KPNA6: variants seen among roughly 807,000 people sequenced by gnomAD.
KPNA6 encodes karyopherin subunit alpha 6.
A neutral mutation model predicts 72.0 loss-of-function variants in KPNA6; 9 were observed. The observed-to-expected ratio is 0.13, with a 90% CI of 0.08 to 0.22. The LOEUF is 0.22. Among genes scored for constraint, KPNA6 ranks in the 10% least tolerant of loss-of-function variants. KPNA6 has a pLI of 1.00. For missense variants in KPNA6, 374 were observed against 655.7 expected, an observed-to-expected ratio of 0.57 and a Z score of 4.69; for synonymous variants, 219 against 242.1, an observed-to-expected ratio of 0.90 and a Z score of 0.89.
At chr1:32,161,477 T>A (rs994358396) in intron 7 of KPNA6, among the ~76,000 whole-genome samples, 1 of 152,196 alleles carries the variant, frequency 6.6e-6, no homozygotes, top group Non-Finnish European at 1.5e-5. Context: ...AATGAACTGT[T>A]CTTCAGAGAC....
At chr1:32,119,648 C>G (rs554595232) in intron 1 of KPNA6, among the ~76,000 whole-genome samples, 1 of 152,240 alleles carries the variant, frequency 6.6e-6, no homozygotes, top group African/African-American at 2.4e-5. Flanking sequence ...CTGCTACGCT[C>G]CAGCCAATTG....
At chr1:32,120,925 G>A (rs1166953946) in intron 1 of KPNA6, among the ~76,000 whole-genome samples, 2 of 150,050 alleles carry the variant, frequency 1.3e-5, no homozygotes, top group African/African-American at 2.5e-5. Context: ...CTGGAGAGCA[G>A]TGGCGCGATC....
chr1:32,156,932 G>A lies in KPNA6; in HGVS notation c.218G>A (p.Ser73Asn), dbSNP rs776004686. Reference sequence around the variant, plus strand: ...AGTCTTCTCATGGACTCTTATGTGAGCTCTACCACTGGGGTAAGGCCCCTG... The same window carrying A: ...AGTCTTCTCATGGACTCTTATGTGAACTCTACCACTGGGGTAAGGCCCCTG... ...FDSLLMDSYV[S>N]STTGESVITR... The change falls in exon 3 of 14, where the codon AGC becomes AAC. Residue 73 changes from serine (S) to asparagine (N), a missense_variant. By Grantham distance (46) the Ser-to-Asn change is conservative (BLOSUM62 1). Around this residue, in one of 3 missense-constraint regions of KPNA6, gnomAD observed 298 missense variants for 495.4 expected, o/e 0.60. Coordinates refer to ENST00000373625, the MANE Select transcript of KPNA6 (RefSeq NM_012316.5). 3.7e-6 allele frequency: 6 copies of A among 1,613,296 alleles called. No individual in the cohort carries two copies. Among genetic ancestry groups the A allele is most frequent in the Middle Eastern group, 1.6e-4 (1 of 6,084 alleles).
chr1:32,113,672 C>G (rs1182440434), intron 1 of KPNA6, among the ~76,000 whole-genome samples: 2 of 152,116 alleles, frequency 1.3e-5, no homozygotes, highest in African/African-American at 2.4e-5. Flanking sequence ...GAACTGGGCT[C>G]AAGTGATCTT....
At chr1:32,150,938 T>C (rs970484213) in intron 1 of KPNA6, among the ~76,000 whole-genome samples, 1 of 152,062 alleles carries the variant, frequency 6.6e-6, no homozygotes, top group Non-Finnish European at 1.5e-5. Context: ...TTTTGTTTTT[T>C]AGAGACAGGG....
chr1:32,140,904 G>A (rs1243487754), intron 1 of KPNA6, among the ~76,000 whole-genome samples: 1 of 152,198 alleles, frequency 6.6e-6, no homozygotes, highest in African/African-American at 2.4e-5. Flanking sequence ...GGCATCTTTG[G>A]TAAGAAACTG....
chr1:32,159,340 G>A, intron 5 of KPNA6, 60 bp from the exon 6 acceptor site: 1 of 1,575,022 alleles, frequency 6.3e-7, no homozygotes, highest in Non-Finnish European at 8.6e-7. Context: ...TGAGCCAGCT[G>A]ATAGGCATGG....
chr1:32,167,860 AAAAAAAAAC>A (rs1263861419), intron 12 of KPNA6, among the ~76,000 whole-genome samples: 1 of 148,476 alleles, frequency 6.7e-6, no homozygotes, highest in East Asian at 1.9e-4. Context: ...TCACAAAAAA[AAAAAAAAAC>A]AAAAAAAAAC....
At chr1:32,116,894 G>A (rs1404950281) in intron 1 of KPNA6, among the ~76,000 whole-genome samples, 3 of 149,640 alleles carry the variant, frequency 2.0e-5, no homozygotes, top group Middle Eastern at 3.4e-3. Context: ...GAGAGAGACT[G>A]TGGAATGGCT....
intron 1 of KPNA6, among the ~76,000 whole-genome samples, chr1:32,121,951 TGACAGAGC>T (rs1641440264): frequency 7.1e-6 from 1 of 140,380 alleles, no homozygotes; most frequent in South Asian, 2.3e-4. Context: ...CCAGCCTGGG[TGACAGAGC>T]GACACTCCGA....
rs915571659 is a variant in KPNA6 at position 32,147,650 on chromosome 1, C to CTTTTT, written c.5-6915_5-6911dup. Among the ~76,000 whole-genome samples, 588 of 81,864 alleles carry CTTTTT rather than the reference C, an allele frequency of 7.2e-3. 2 individuals carry two copies. The highest frequency in any genetic ancestry group is 0.01 in the Non-Finnish European group (431 of 42,304). 53.7% of individuals were successfully genotyped at this position (81,864 alleles called of 152,430 possible). ...CCTTCTGACTTTCGTGATTTCTTTTCTTTTTTTTTTTTTTTTTTTTTTTTT... is the reference window on the plus strand; with the variant it reads ...CCTTCTGACTTTCGTGATTTCTTTTCTTTTTTTTTTTTTTTTTTTTTTTTTTTTTT... On this transcript the variant is annotated intron_variant, in intron 1 of 13. Transcript: ENST00000373625.
intron 1 of KPNA6, among the ~76,000 whole-genome samples, chr1:32,117,025 G>T (rs1047050597): frequency 6.6e-6 from 1 of 152,066 alleles, no homozygotes; most frequent in Non-Finnish European, 1.5e-5. Context: ...ACTGATCACA[G>T]ATCACCATAA....
intron 1 of KPNA6, among the ~76,000 whole-genome samples, chr1:32,150,596 A>G (rs769627199): frequency 4.7e-4 from 71 of 151,624 alleles, no homozygotes; most frequent in Non-Finnish European, 8.1e-4. Flanking sequence ...ATGGGTCACA[A>G]TTTTTCTGCT....
At chr1:32,166,749 GAAACC>G (rs1335824224) in intron 11 of KPNA6, among the ~76,000 whole-genome samples, 7 of 148,032 alleles carry the variant, frequency 4.7e-5, no homozygotes, top group Non-Finnish European at 1.0e-4. Context: ...CTAACGTGGT[GAAACC>G]ATGTCTCTTC....
At position 32,152,972 on chromosome 1, in the gene KPNA6, G is replaced by A. The variant is rs544063893; in HGVS notation, c.5-1616G>A. Among the ~76,000 whole-genome samples, 6 of 141,884 alleles carry A rather than the reference G, an allele frequency of 4.2e-5. No homozygotes were observed. In the South Asian group the frequency reaches 7.0e-4, roughly 17 times the overall value. The allele number at this position is 141,884 out of a possible 152,430, so 93.1% of individuals were successfully genotyped here. The stretch of plus-strand genomic sequence containing the variant: ...CGGAGGGTTGCAGTGAGCCAAGATC[G>A]CGCCACTGCACTCCAGCCTGGGTGA... On this transcript the variant is annotated intron_variant, in intron 1 of 13. Coordinates refer to ENST00000373625, the MANE Select transcript of KPNA6 (RefSeq NM_012316.5).
chr1:32,162,519 G>A lies in KPNA6; in HGVS notation c.906G>A (p.Leu302=). Residue 302 remains leucine, a synonymous_variant, in exon 9 of 14, where the codon CTG becomes CTA. Transcript: ENST00000373625. ...DSGVCRRLVE[L]LMHNDYKVAS... The stretch of plus-strand genomic sequence containing the variant: ...GAGTCTGCCGGAGATTGGTAGAGCT[G>A]CTGATGTGAGTGGTCTTAGAAGGGG... 6.2e-7 allele frequency: 1 copy of A among 1,613,830 alleles called. No homozygotes were observed. The highest frequency in any genetic ancestry group is 8.5e-7 in the Non-Finnish European group (1 of 1,180,024).
chr1:32,159,586 A>G (rs756753037), intron 6 of KPNA6, 55 bp downstream of exon 6: 5 of 1,572,960 alleles, frequency 3.2e-6, no homozygotes, highest in Admixed American at 3.6e-5. Flanking sequence ...AATAAAAAAT[A>G]TATTTGGTCT....
chr1:32,136,530 A>G (rs186235034), intron 1 of KPNA6, among the ~76,000 whole-genome samples: 7 of 152,244 alleles, frequency 4.6e-5, no homozygotes, highest in Non-Finnish European at 1.0e-4. Flanking sequence ...AGTTAGTCAT[A>G]TGTAGGTCTC....
Position 32,170,964 on chromosome 1 carries a change from C to T in KPNA6, c.*70C>T, listed in dbSNP as rs570730185. On this transcript the variant is annotated 3_prime_UTR_variant, in exon 14 of 14. Transcript: ENST00000373625. ...AGCGGAAGAGCAGCCCTCTGGTGGG[C>T]GGGAAACCAGTGTCCCCACCATCAG... The T allele has an allele frequency of 5.1e-5, 73 of 1,422,452 alleles. No individual in the cohort carries two copies. In the African/African-American group the frequency reaches 8.3e-4, roughly 16 times the overall value. 88.1% of individuals were successfully genotyped at this position (1,422,452 alleles called of 1,614,324 possible). A position where few individuals can be genotyped will look rare whatever the true frequency, so the allele number is the denominator to read the frequency against.
Sources: allele counts gnomAD v4.1 joint callset (sites outside exome capture counted in the v4.1 genomes callset), GRCh38; gene constraint gnomAD v4.1.1; regional missense constraint gnomAD v4.1.1; transcripts MANE v1.5; gene names NCBI Gene and HGNC (gene_info 2026-07-23, HGNC 2026-07-21).